WNT4: variants seen among roughly 807,000 people sequenced by gnomAD.
WNT4 encodes Wnt family member 4.
A neutral mutation model predicts 34.5 loss-of-function variants in WNT4; 16 were observed. The ratio of observed to expected loss-of-function variants is 0.46; its 90% CI spans 0.31 to 0.70. The LOEUF is 0.70. Ranked by LOEUF, WNT4 falls within the 30% of genes least tolerant of loss-of-function variation. The pLI, the probability that WNT4 is intolerant of heterozygous loss-of-function variation, is 0.04. For missense variants in WNT4, 379 were observed against 495.9 expected, an observed-to-expected ratio of 0.76 and a Z score of 2.24; for synonymous variants, 200 against 211.9, an observed-to-expected ratio of 0.94 and a Z score of 0.49.
chr1:22,135,967 A>G (rs1444969387), intron 1 of WNT4, among the ~76,000 whole-genome samples: 1 of 151,668 alleles, frequency 6.6e-6, no homozygotes, highest in East Asian at 1.9e-4. Context: ...CAGTGCCCTC[A>G]TTTTCTGACT....
At chr1:22,135,988 C>T (rs1468977160) in intron 1 of WNT4, among the ~76,000 whole-genome samples, 3 of 152,158 alleles carry the variant, frequency 2.0e-5, no homozygotes, top group Non-Finnish European at 2.9e-5. Context: ...CTTGGTTTCC[C>T]AATTCTCATT....
Position 22,129,830 on chromosome 1 carries a change from C to T in WNT4, c.99G>A (p.Ser33=), listed in dbSNP as rs140531439. 1.7e-5 allele frequency: 28 copies of T among 1,613,780 alleles called. No individual in the cohort carries two copies. Among genetic ancestry groups the T allele is most frequent in the Middle Eastern group, 1.6e-4 (1 of 6,084 alleles). Residue 33 remains serine, a synonymous_variant, in exon 2 of 5, where the codon TCG becomes TCA. Coordinates refer to ENST00000290167, the MANE Select transcript of WNT4 (RefSeq NM_030761.5). Reference sequence around the variant, plus strand: ...TCTCCTCCTCTGAGATGCTCCCCACCGACGACAGCTTGGCCAGGTACCTGG... The same window carrying T: ...TCTCCTCCTCTGAGATGCTCCCCACTGACGACAGCTTGGCCAGGTACCTGG... The part of the protein sequence containing the change: ...SNWLYLAKLS[S]VGSISEEETC...
At position 22,142,018 on chromosome 1, in the gene WNT4, G is replaced by A. The variant is rs1172640441; in HGVS notation, c.77+828C>T. On this transcript the variant is annotated intron_variant, in intron 1 of 4. Transcript: ENST00000290167. The surrounding 1 kb of genome is among the most constrained non-coding windows in gnomAD (Gnocchi z 6.0). The stretch of plus-strand genomic sequence containing the variant: ...CCCTGAGCGGGGATGAAAGGAGCGC[G>A]GGTCCGCTTGCTCCCTGTCCACCCA... 6.6e-6 allele frequency among the ~76,000 whole-genome samples: 1 copy of A among 152,170 alleles called. No homozygotes were observed. The highest frequency in any genetic ancestry group is 1.5e-5 in the Non-Finnish European group (1 of 68,044).
At chr1:22,122,977 G>T (rs1270287896) in intron 2 of WNT4, among the ~76,000 whole-genome samples, 1 of 152,214 alleles carries the variant, frequency 6.6e-6, no homozygotes, top group Non-Finnish European at 1.5e-5. Context: ...GGGGGGCTTG[G>T]CTGGAGCAAT....
At chr1:22,123,932 A>C (rs1291091422) in intron 2 of WNT4, among the ~76,000 whole-genome samples, 3 of 152,212 alleles carry the variant, frequency 2.0e-5, no homozygotes, top group Non-Finnish European at 4.4e-5. Flanking sequence ...AGGAGGCCCC[A>C]GAAAGCCTGG....
intron 2 of WNT4, among the ~76,000 whole-genome samples, chr1:22,127,856 T>C (rs1295409521): frequency 2.6e-5 from 4 of 152,162 alleles, no homozygotes; most frequent in African/African-American, 9.7e-5. Context: ...TGCTGAGCCC[T>C]CAAGAAGGGG....
chr1:22,123,279 C>T (rs1250522017), intron 2 of WNT4, among the ~76,000 whole-genome samples: 4 of 152,110 alleles, frequency 2.6e-5, no homozygotes, highest in Admixed American at 1.3e-4. Context: ...CCCGGCCCAA[C>T]CCAAGCCCCA....
At chr1:22,121,832 GC>G (rs1294826391) in intron 2 of WNT4, among the ~76,000 whole-genome samples, 1 of 152,204 alleles carries the variant, frequency 6.6e-6, no homozygotes, top group Non-Finnish European at 1.5e-5. Context: ...ACCCCAGGAG[GC>G]AAGTACTGTT....
chr1:22,132,652 A>G (rs953785372), intron 1 of WNT4, among the ~76,000 whole-genome samples: 2 of 152,316 alleles, frequency 1.3e-5, no homozygotes, highest in African/African-American at 4.8e-5. Context: ...GAACTCAGCA[A>G]GGGGAGACTG....
In WNT4 at chr1:22,134,681, GT is replaced by G. The variant is rs759103716; in HGVS notation, c.78-4831del. The stretch of plus-strand genomic sequence containing the variant: ...GGAGGCCTAAATGAATGAAATCTGT[GT>G]GCAGGAGATGCTCGTCCCTGCTGCA... On this transcript the variant is annotated intron_variant, in intron 1 of 4. Coordinates refer to ENST00000290167, the MANE Select transcript of WNT4 (RefSeq NM_030761.5). This position sits in a 1 kb window ranked among gnomAD's most constrained non-coding sequence, Gnocchi z 4.1. Among the ~76,000 whole-genome samples the G allele has an allele frequency of 6.6e-6, 1 of 152,176 alleles. No individual in the cohort carries two copies. Among genetic ancestry groups the G allele is most frequent in the Non-Finnish European group, 1.5e-5 (1 of 68,022 alleles).
chr1:22,120,420 T>A lies in WNT4; in HGVS notation c.686A>T (p.Gln229Leu). Reference protein sequence around the residue: ...TCWRAVPPFRQVGHALKEKFD... With the variant: ...TCWRAVPPFRLVGHALKEKFD... ...CTTCTCCTTCAGTGCGTGACCCACC[T>A]GGCGGAAGGGCGGCACGGCTCGCCA... The change falls in exon 5 of 5, where the codon CAG (glutamine) becomes CTG (leucine). Residue 229 changes from glutamine to leucine, a missense_variant. By Grantham distance (113) the Gln-to-Leu change is moderately radical (BLOSUM62 -2). Coordinates refer to ENST00000290167, the MANE Select transcript of WNT4 (RefSeq NM_030761.5). 1 of 1,613,878 alleles carries A rather than the reference T, an allele frequency of 6.2e-7. No homozygotes were observed. Among genetic ancestry groups the A allele is most frequent in the Middle Eastern group, 1.6e-4 (1 of 6,062 alleles).
Position 22,140,198 on chromosome 1 carries a change from C to A in WNT4, c.77+2648G>T. 2 of 985,478 alleles carry A rather than the reference C, an allele frequency of 2.0e-6. No individual in the cohort carries two copies. Among genetic ancestry groups the A allele is most frequent in the Non-Finnish European group, 2.4e-6 (2 of 829,942 alleles). 61.0% of individuals were successfully genotyped at this position (985,478 alleles called of 1,614,324 possible). The stretch of plus-strand genomic sequence containing the variant: ...CGGGGCCAGGCCTCCTCATACCTCA[C>A]ACTTGAAAAGACACAGTGCCAGCCA... On this transcript the variant is annotated intron_variant, in intron 1 of 4. Coordinates refer to ENST00000290167, the MANE Select transcript of WNT4 (RefSeq NM_030761.5). The surrounding 1 kb of genome is among the most constrained non-coding windows in gnomAD (Gnocchi z 5.9).
rs2124100518 is a variant in WNT4, at chr1:22,121,498, C to T, written c.392G>A (p.Gly131Glu). The T allele has an allele frequency of 1.2e-6, 2 of 1,614,092 alleles. No homozygotes were observed. Among genetic ancestry groups the T allele is most frequent in the Non-Finnish European group, 1.7e-6 (2 of 1,180,028 alleles). ...AFAVTRACSS[G>E]ELEKCGCDRT... The stretch of plus-strand genomic sequence containing the variant: ...GTCACAGCCGCACTTCTCCAGCTCC[C>T]CACTGCTGCACGCCCGCGTCACTGC... The change falls in exon 3 of 5, where the codon GGG becomes GAG. Residue 131 changes from glycine (G) to glutamate (E), a missense_variant. Around this residue, in one of 2 missense-constraint regions of WNT4, gnomAD observed 313 missense variants for 445.8 expected, o/e 0.70. Coordinates refer to ENST00000290167, the MANE Select transcript of WNT4 (RefSeq NM_030761.5).
chr1:22,141,653 G>A (rs1262340097), intron 1 of WNT4, among the ~76,000 whole-genome samples: 1 of 149,210 alleles, frequency 6.7e-6, no homozygotes, highest in Non-Finnish European at 1.5e-5. Context: ...CATCACCTCC[G>A]TCCCCCAAGC....
chr1:22,142,812 C>T lies in WNT4; in HGVS notation c.77+34G>A. Reference sequence around the variant, plus strand: ...CGCTGCCCCCGGGGCCTGCCCCGCCCCGCCCCGCCCCGCTCGGCCCCGGCC... The same window carrying T: ...CGCTGCCCCCGGGGCCTGCCCCGCCTCGCCCCGCCCCGCTCGGCCCCGGCC... On this transcript the variant is annotated intron_variant, in intron 1 of 4. Coordinates refer to ENST00000290167, the MANE Select transcript of WNT4 (RefSeq NM_030761.5). This position sits in a 1 kb window ranked among gnomAD's most constrained non-coding sequence, Gnocchi z 6.0. 2 of 1,150,372 alleles carry T rather than the reference C, an allele frequency of 1.7e-6. No homozygotes were observed. Among genetic ancestry groups the T allele is most frequent in the Non-Finnish European group, 2.2e-6 (2 of 913,310 alleles). The allele number at this position is 1,150,372 out of a possible 1,614,324, so 71.3% of individuals were successfully genotyped here. A position where few individuals can be genotyped will look rare whatever the true frequency, so the allele number is the denominator to read the frequency against.
rs1646075984 is a variant in WNT4, at chr1:22,142,343, A to G, written c.77+503T>C. Reference sequence around the variant, plus strand: ...TTCTGTCTCCGGCTCCCGCCCCCCAAGCAGAAACAGGTCCCTGCACGCCTC... The same window carrying G: ...TTCTGTCTCCGGCTCCCGCCCCCCAGGCAGAAACAGGTCCCTGCACGCCTC... On this transcript the variant is annotated intron_variant, in intron 1 of 4. Transcript: ENST00000290167. The surrounding 1 kb of genome is among the most constrained non-coding windows in gnomAD (Gnocchi z 6.0). Among the ~76,000 whole-genome samples the G allele has an allele frequency of 6.6e-6, 1 of 151,802 alleles. No individual in the cohort carries two copies. The highest frequency in any genetic ancestry group is 2.4e-5 in the African/African-American group (1 of 41,294).
chr1:22,126,305 G>A (rs1645940064), intron 2 of WNT4, among the ~76,000 whole-genome samples: 1 of 152,168 alleles, frequency 6.6e-6, no homozygotes. Flanking sequence ...GCCGTGTGGG[G>A]GTCAGTTAGC....
chr1:22,128,817 T>G (rs1645959895), intron 2 of WNT4, among the ~76,000 whole-genome samples: 1 of 152,088 alleles, frequency 6.6e-6, no homozygotes, highest in African/African-American at 2.4e-5. Context: ...CCTCCTGGGT[T>G]CACACCATTC....
rs551113487 is a variant in WNT4 at position 22,140,876 on chromosome 1, C to A, written c.77+1970G>T. ...GTTTGCCAACCTCTCTTCTCCTAGG[C>A]TGCCCCTCCTCACCCCACCCCCAAC... On this transcript the variant is annotated intron_variant, in intron 1 of 4. Transcript: ENST00000290167. The surrounding 1 kb of genome is among the most constrained non-coding windows in gnomAD (Gnocchi z 5.9). 6.6e-6 allele frequency among the ~76,000 whole-genome samples: 1 copy of A among 152,338 alleles called. No individual in the cohort carries two copies. Among genetic ancestry groups the A allele is most frequent in the South Asian group, 2.1e-4 (1 of 4,828 alleles).
Sources: gnomAD v4.1 joint callset for allele counts (sites outside exome capture counted in the v4.1 genomes callset) on GRCh38, gnomAD v4.1.1 for gene constraint, gnomAD v4.1.1 regional missense constraint, Gnocchi (gnomAD v3.1) non-coding constraint, MANE v1.5 for transcripts, NCBI Gene and HGNC (gene_info 2026-07-23, HGNC 2026-07-21) for gene names.